The following PPARD variants were observed in gnomAD, a reference collection of about 807,000 sequenced individuals.
The protein encoded by PPARD is peroxisome proliferator activated receptor delta, also known as peroxisome proliferator-activated receptor delta.
Under a neutral mutation model 39.5 loss-of-function variants are expected in PPARD, and 6 were observed. The ratio of observed to expected loss-of-function variants is 0.15; its 90% CI spans 0.08 to 0.30. PPARD has a LOEUF of 0.30. PPARD is among the 10% of genes least tolerant of loss of function. PPARD has a pLI of 1.00. For missense variants in PPARD, 397 were observed against 596.8 expected (o/e 0.67, Z 3.49); for synonymous variants, 210 against 231.3 (o/e 0.91, Z 0.83).
At chr6:35,367,102 A>G (rs1370281484) in intron 2 of PPARD, among the ~76,000 whole-genome samples, 2 of 152,082 alleles carry the variant, frequency 1.3e-5, no homozygotes, top group Non-Finnish European at 2.9e-5. Context: ...GCTAAAAGGA[A>G]ATGGAGGAGT....
chr6:35,377,476 C>A (rs141070436), intron 2 of PPARD, among the ~76,000 whole-genome samples: 1 of 152,182 alleles, frequency 6.6e-6, no homozygotes, highest in African/African-American at 2.4e-5. Context: ...TTAAATTTTA[C>A]ACTTCAGCAA....
chr6:35,349,356 A>G lies in PPARD; in HGVS notation c.-102+2206A>G, dbSNP rs369887373. On this transcript the variant is annotated intron_variant, in intron 2 of 7. Coordinates refer to ENST00000360694, the MANE Select transcript of PPARD (RefSeq NM_006238.5). Reference sequence around the variant, plus strand: ...TTCTTTCTTGATTGGGTACTGCTATATCACCTAGGACCAGGGGTGTGTCCA... The same window carrying G: ...TTCTTTCTTGATTGGGTACTGCTATGTCACCTAGGACCAGGGGTGTGTCCA... 1.2e-4 allele frequency among the ~76,000 whole-genome samples: 18 copies of G among 152,236 alleles called. 1 individual carries two copies. In the South Asian group the frequency reaches 3.3e-3, roughly 28 times the overall value.
intron 2 of PPARD, among the ~76,000 whole-genome samples, chr6:35,372,632 G>T (rs1762567733): frequency 1.3e-5 from 2 of 152,216 alleles, no homozygotes; most frequent in African/African-American, 4.8e-5. Context: ...TCTCTCCACA[G>T]TTTGTCCTGG....
At chr6:35,367,158 C>G (rs1023456954) in intron 2 of PPARD, among the ~76,000 whole-genome samples, 1 of 152,050 alleles carries the variant, frequency 6.6e-6, no homozygotes, top group African/African-American at 2.4e-5. Context: ...GCAAAGATAA[C>G]ACTGTAACAG....
intron 2 of PPARD, among the ~76,000 whole-genome samples, chr6:35,368,162 C>A (rs1762301862): frequency 6.6e-6 from 1 of 152,206 alleles, no homozygotes; most frequent in Non-Finnish European, 1.5e-5. Flanking sequence ...AGTCATCCCC[C>A]TTTTCACAGA....
At chr6:35,413,315 A>G (rs1405940052) in intron 3 of PPARD, among the ~76,000 whole-genome samples, 1 of 152,190 alleles carries the variant, frequency 6.6e-6, no homozygotes, top group African/African-American at 2.4e-5. Context: ...ACATGGTACT[A>G]TGTAGGCGGT....
At chr6:35,358,196 G>A (rs747798608) in intron 2 of PPARD, among the ~76,000 whole-genome samples, 11 of 152,156 alleles carry the variant, frequency 7.2e-5, no homozygotes, top group Non-Finnish European at 1.6e-4. Flanking sequence ...AGGAGAAGGA[G>A]GCAATGTGAC....
At chr6:35,372,933 C>A (rs183605688) in intron 2 of PPARD, among the ~76,000 whole-genome samples, 1,593 of 152,278 alleles carry the variant, frequency 0.01, 32 homozygotes, top group African/African-American at 0.036. Flanking sequence ...AATTTATAAA[C>A]AAAAGAAACT....
At chr6:35,377,722 C>T (rs974558294) in intron 2 of PPARD, among the ~76,000 whole-genome samples, 2 of 152,112 alleles carry the variant, frequency 1.3e-5, no homozygotes, top group African/African-American at 4.8e-5. Flanking sequence ...CAGGCCTCTG[C>T]GCAATTGCAC....
chr6:35,380,476 G>GTTTTTTTTTTTTTT (rs71002557), intron 2 of PPARD, among the ~76,000 whole-genome samples: 23 of 67,140 alleles, frequency 3.4e-4, no homozygotes, highest in Non-Finnish European at 5.9e-4. Flanking sequence ...TTTTTTGTTT[G>GTTTTTTTTTTTTTT]TTTTTTTTTT....
At chr6:35,403,646 G>A (rs971022953) in intron 2 of PPARD, among the ~76,000 whole-genome samples, 1 of 152,178 alleles carries the variant, frequency 6.6e-6, no homozygotes, top group African/African-American at 2.4e-5. Context: ...CATTCTCTGG[G>A]AAACTGATAA....
chr6:35,388,286 G>A (rs1298098080), intron 2 of PPARD, among the ~76,000 whole-genome samples: 1 of 152,130 alleles, frequency 6.6e-6, no homozygotes, highest in Non-Finnish European at 1.5e-5. Flanking sequence ...GGCTGTAGAT[G>A]TGCACACATA....
intron 2 of PPARD, among the ~76,000 whole-genome samples, chr6:35,365,330 C>T (rs1195331906): frequency 1.3e-5 from 2 of 149,744 alleles, no homozygotes; most frequent in Non-Finnish European, 3.0e-5. Flanking sequence ...TTAGTAGAGA[C>T]AGGGTTTCAC....
intron 2 of PPARD, 100 bp downstream of exon 2, chr6:35,347,250 T>C (rs1466046024): frequency 1.2e-5 from 17 of 1,385,566 alleles, no homozygotes; most frequent in African/African-American, 4.3e-5. Flanking sequence ...CACTAGGGCT[T>C]ATTCCCAGAT....
At chr6:35,388,854 A>G (rs1763836354) in intron 2 of PPARD, among the ~76,000 whole-genome samples, 1 of 152,200 alleles carries the variant, frequency 6.6e-6, no homozygotes, top group African/African-American at 2.4e-5. Flanking sequence ...TGGTCTAATC[A>G]TTGACTTATC....
chr6:35,424,431 C>T lies in PPARD; in HGVS notation c.730C>T (p.His244Tyr), dbSNP rs1348460776. The change falls in exon 7 of 8, where the codon CAC becomes TAC. Residue 244 changes from histidine to tyrosine, a missense_variant. Coordinates refer to ENST00000360694, the MANE Select transcript of PPARD (RefSeq NM_006238.5). The surrounding 1 kb of genome is among the most constrained non-coding windows in gnomAD (Gnocchi z 7.1). The stretch of plus-strand genomic sequence containing the variant: ...GCCTCCCTACAAGGAGATCAGCGTG[C>T]ACGTCTTCTACCGCTGCCAGTGCAC... ...GLPPYKEISV[H>Y]VFYRCQCTTV... 6.2e-7 allele frequency: 1 copy of T among 1,614,190 alleles called. No homozygotes were observed. The highest frequency in any genetic ancestry group is 1.1e-5 in the South Asian group (1 of 91,084).
rs1251220957 is a variant in PPARD at position 35,427,164 on chromosome 6, T to G, written c.*1085T>G. On this transcript the variant is annotated 3_prime_UTR_variant, in exon 8 of 8. Coordinates refer to ENST00000360694, the MANE Select transcript of PPARD (RefSeq NM_006238.5). Reference sequence around the variant, plus strand: ...CAGCATCCAGGGCCAGGGCCTGGCCTCACATCCCCCTGCTCCTTTCTCTAG... The same window carrying G: ...CAGCATCCAGGGCCAGGGCCTGGCCGCACATCCCCCTGCTCCTTTCTCTAG... 5 of 156,152 alleles carry G rather than the reference T, an allele frequency of 3.2e-5. No individual in the cohort carries two copies. The highest frequency in any genetic ancestry group is 1.2e-4 in the African/African-American group (5 of 41,528). The allele number at this position is 156,152 out of a possible 1,614,324, so 9.7% of individuals were successfully genotyped here.
rs559349437 is a variant in PPARD, at chr6:35,363,209, C to G, written c.-102+16059C>G. Among the ~76,000 whole-genome samples, 266 of 152,318 alleles carry G rather than the reference C, an allele frequency of 1.7e-3. No individual in the cohort carries two copies. Among genetic ancestry groups the G allele is most frequent in the South Asian group, 2.3e-3 (11 of 4,822 alleles). On this transcript the variant is annotated intron_variant, in intron 2 of 7. Coordinates refer to ENST00000360694, the MANE Select transcript of PPARD (RefSeq NM_006238.5). This position sits in a 1 kb window ranked among gnomAD's most constrained non-coding sequence, Gnocchi z 4.5. The stretch of plus-strand genomic sequence containing the variant: ...GGCAAGGAGAAGGCCTTTCTGAGCA[C>G]TGAGGGTCAGTGGCTTCTCAGGTCT...
At chr6:35,393,662 C>T (rs1764146213) in intron 2 of PPARD, among the ~76,000 whole-genome samples, 1 of 152,158 alleles carries the variant, frequency 6.6e-6, no homozygotes, top group Non-Finnish European at 1.5e-5. Context: ...GAGGTGACAG[C>T]ATGGGCCAAT....
Sources: gnomAD v4.1 joint callset for allele counts (sites outside exome capture counted in the v4.1 genomes callset) on GRCh38, gnomAD v4.1.1 for gene constraint, Gnocchi (gnomAD v3.1) non-coding constraint, MANE v1.5 for transcripts, NCBI Gene and HGNC (gene_info 2026-07-23, HGNC 2026-07-21) for gene names.